STPG2: variants seen among roughly 807,000 people sequenced by gnomAD.
The protein encoded by STPG2 is sperm-tail PG-rich repeat-containing protein 2.
In STPG2, 56 loss-of-function variants were observed where a neutral mutation model predicts 54.2. That is an observed-to-expected ratio of 1.03 (90% CI 0.83 to 1.29). The LOEUF (loss-of-function observed/expected upper bound fraction) is 1.29. Among genes scored for constraint, STPG2 ranks in the 50% most tolerant of loss-of-function variants. The probability of loss-of-function intolerance (pLI) is 0.00; values close to 1 mark genes in which losing one functional copy is unlikely to be tolerated. For synonymous variants in STPG2, 200 were observed against 181.8 expected (o/e 1.10, Z -0.81); for missense variants, 596 against 544.9 (o/e 1.09, Z -0.93).
At chr4:97,901,882 G>T (rs1322705118) in intron 8 of STPG2, among the ~76,000 whole-genome samples, 4 of 151,930 alleles carry the variant, frequency 2.6e-5, no homozygotes, top group African/African-American at 9.7e-5. Context: ...GGACAAAGTT[G>T]CAGGCATACA....
intron 4 of STPG2, among the ~76,000 whole-genome samples, chr4:97,513,343 C>A (rs113312243): frequency 6.6e-6 from 1 of 152,012 alleles, no homozygotes; most frequent in African/African-American, 2.4e-5. Context: ...ATGGAGACTT[C>A]ATTACATAGG....
intron 10 of STPG2, among the ~76,000 whole-genome samples, chr4:97,575,037 A>G (rs1732689500): frequency 6.6e-6 from 1 of 151,430 alleles, no homozygotes; most frequent in Non-Finnish European, 1.5e-5. Context: ...GACAATTCAG[A>G]AAAAAAAATT....
At chr4:97,738,796 A>G (rs1186831273) in intron 9 of STPG2, among the ~76,000 whole-genome samples, 1 of 152,252 alleles carries the variant, frequency 6.6e-6, no homozygotes, top group East Asian at 1.9e-4. Context: ...AACATTAGAC[A>G]GATCAACAAG....
At chr4:97,557,587 T>C (rs1002627012), downstream of STPG2, among the ~76,000 whole-genome samples, 2 of 152,112 alleles carry the variant, frequency 1.3e-5, no homozygotes, top group African/African-American at 4.8e-5. Context: ...CCAAAATGAA[T>C]GGGATGTAAA....
chr4:98,025,372 G>C (rs1174164914), intron 5 of STPG2: 9 of 329,288 alleles, frequency 2.7e-5, no homozygotes, highest in Non-Finnish European at 5.3e-5. Context: ...TGCTGGGCCT[G>C]CAGGCCTTTG....
At chr4:98,118,697 G>A (rs1048433882) in intron 3 of STPG2, among the ~76,000 whole-genome samples, 30 of 152,118 alleles carry the variant, frequency 2.0e-4, no homozygotes, top group Non-Finnish European at 5.9e-5. Context: ...GCTCCTTAAA[G>A]AAGTGGCTGA....
intron 5 of STPG2, among the ~76,000 whole-genome samples, chr4:98,082,626 G>C (rs1481425620): frequency 1.3e-5 from 2 of 151,342 alleles, no homozygotes; most frequent in Non-Finnish European, 2.9e-5. Flanking sequence ...TAATTTTTTT[G>C]TATTTTTAGT....
intron 10 of STPG2, among the ~76,000 whole-genome samples, chr4:97,649,172 A>G (rs1721995706): frequency 6.6e-6 from 1 of 152,176 alleles, no homozygotes; most frequent in Admixed American, 6.5e-5. Context: ...TCTTGTTACT[A>G]CAGAGCAATA....
chr4:97,913,168 G>C (rs1731746537), intron 8 of STPG2, among the ~76,000 whole-genome samples: 1 of 152,190 alleles, frequency 6.6e-6, no homozygotes, highest in Admixed American at 6.5e-5. Flanking sequence ...AACAGGCAAT[G>C]AAGGAGAATA....
chr4:97,762,107 C>T (rs901372311), intron 9 of STPG2, among the ~76,000 whole-genome samples: 1 of 152,028 alleles, frequency 6.6e-6, no homozygotes, highest in Non-Finnish European at 1.5e-5. Flanking sequence ...GTTTTAAAGT[C>T]GTCTCTAAAT....
intron 5 of STPG2, among the ~76,000 whole-genome samples, chr4:97,991,551 G>A (rs1735015857): frequency 6.6e-6 from 1 of 151,532 alleles, no homozygotes; most frequent in African/African-American, 2.4e-5. Flanking sequence ...TGCAAATTGT[G>A]CTGCTATAAA....
intron 8 of STPG2, among the ~76,000 whole-genome samples, chr4:97,877,508 G>A (rs1176089542): frequency 1.3e-5 from 2 of 152,282 alleles, no homozygotes. Flanking sequence ...TATGGTGAAA[G>A]GCAAAGGCAT....
intron 4 of STPG2, among the ~76,000 whole-genome samples, chr4:97,548,457 G>A (rs1273536533): frequency 6.6e-6 from 1 of 152,172 alleles, no homozygotes; most frequent in African/African-American, 2.4e-5. Flanking sequence ...AGCTCCATCA[G>A]TCAGTTATTT....
intron 1 of STPG2, among the ~76,000 whole-genome samples, chr4:98,137,170 A>G (rs1367487792): frequency 6.6e-6 from 1 of 151,838 alleles, no homozygotes; most frequent in Non-Finnish European, 1.5e-5. Flanking sequence ...ACATGCATCC[A>G]TGAATCCAAA....
intron 10 of STPG2, among the ~76,000 whole-genome samples, chr4:97,693,237 C>T (rs1723436443): frequency 6.6e-6 from 1 of 151,630 alleles, no homozygotes; most frequent in Non-Finnish European, 1.5e-5. Flanking sequence ...GGCCTAAATG[C>T]TCCACTTAAA....
intron 7 of STPG2, among the ~76,000 whole-genome samples, chr4:97,957,482 T>G (rs560299207): frequency 6.6e-6 from 1 of 151,976 alleles, no homozygotes; most frequent in African/African-American, 2.4e-5. Context: ...ATCTAGAAGT[T>G]TGGAAAACAT....
intron 9 of STPG2, among the ~76,000 whole-genome samples, chr4:97,726,603 A>T (rs1017660055): frequency 6.6e-6 from 1 of 151,990 alleles, no homozygotes; most frequent in African/African-American, 2.4e-5. Flanking sequence ...AAAATATTCT[A>T]CTTTGAGAAT....
intron 10 of STPG2, among the ~76,000 whole-genome samples, chr4:97,690,647 T>C (rs1723335261): frequency 6.6e-6 from 1 of 152,192 alleles, no homozygotes; most frequent in Non-Finnish European, 1.5e-5. Flanking sequence ...AGTTTAGGTG[T>C]TCAAGCTTGT....
At chr4:98,040,424 T>C (rs1422200665) in intron 5 of STPG2, among the ~76,000 whole-genome samples, 1 of 151,920 alleles carries the variant, frequency 6.6e-6, no homozygotes, top group Non-Finnish European at 1.5e-5. Context: ...TTTTCCTAGG[T>C]TTTCTTCTAG....
Sources: gnomAD v4.1 joint callset for allele counts (sites outside exome capture counted in the v4.1 genomes callset) on GRCh38, gnomAD v4.1.1 for gene constraint, MANE v1.5 for transcripts, NCBI Gene and HGNC (gene_info 2026-07-23, HGNC 2026-07-21) for gene names.